TWIST2: variants seen among roughly 807,000 people sequenced by gnomAD.
TWIST2 encodes the protein twist-related protein 2.
Under a neutral mutation model 11.6 loss-of-function variants are expected in TWIST2, and 1 was observed. The observed-to-expected ratio is 0.09, with a 90% CI of 0.03 to 0.41. The LOEUF (loss-of-function observed/expected upper bound fraction) is 0.41, where lower values mean the gene tolerates loss of function less well. Ranked by LOEUF, TWIST2 falls within the 10% of genes least tolerant of loss-of-function variation. The probability of loss-of-function intolerance (pLI) is 0.98; values close to 1 mark genes in which losing one functional copy is unlikely to be tolerated. For missense variants in TWIST2, 168 were observed against 226.4 expected, an observed-to-expected ratio of 0.74 and a Z score of 1.66; for synonymous variants, 87 against 96.6, an observed-to-expected ratio of 0.90 and a Z score of 0.58.
chr2:238,896,449 C>T (rs934193355), intron 1 of TWIST2, among the ~76,000 whole-genome samples: 18 of 152,322 alleles, frequency 1.2e-4, no homozygotes, highest in Non-Finnish European at 1.5e-4. Context: ...GAGCAGTGTC[C>T]TTTCAGAGAT....
At position 238,866,612 on chromosome 2, in the gene TWIST2, G is replaced by A. The variant is rs1267271749; in HGVS notation, c.*35+17879G>A. Among the ~76,000 whole-genome samples, 1 of 152,026 alleles carries A rather than the reference G, an allele frequency of 6.6e-6. No individual in the cohort carries two copies. Among genetic ancestry groups the A allele is most frequent in the Non-Finnish European group, 1.5e-5 (1 of 68,016 alleles). ...GCGGAGGTTGCAGTGAGCTGAGATC[G>A]CGCCACTGTACTCCAGCCTGGGTGA... On this transcript the variant is annotated intron_variant, in intron 1 of 1. Transcript: ENST00000612363. The surrounding 1 kb of genome is among the most constrained non-coding windows in gnomAD (Gnocchi z 4.9).
chr2:238,871,508 CA>C, intron 1 of TWIST2, among the ~76,000 whole-genome samples: 1 of 105,306 alleles, frequency 9.5e-6, no homozygotes, highest in Non-Finnish European at 2.0e-5. Context: ...CACCACACCC[CA>C]CACATACCCC....
At chr2:238,865,101 A>G (rs1054918720) in intron 1 of TWIST2, among the ~76,000 whole-genome samples, 1 of 152,112 alleles carries the variant, frequency 6.6e-6, no homozygotes, top group Admixed American at 6.5e-5. Flanking sequence ...GGCAAGCAAA[A>G]TTATTTTCAT....
chr2:238,849,283 C>T (rs1466344924), intron 1 of TWIST2, among the ~76,000 whole-genome samples: 1 of 152,226 alleles, frequency 6.6e-6, no homozygotes, highest in Non-Finnish European at 1.5e-5. Flanking sequence ...CGGCCGTCGG[C>T]GCCCTGGCCT....
Position 238,896,947 on chromosome 2 carries a change from C to T in TWIST2, c.*36-12895C>T, listed in dbSNP as rs916170890. ...TTCCATTTGGAGAAAAGTAGGCACA[C>T]CCCAGGGGGAGGGAGGCGCCTGAGT... On this transcript the variant is annotated intron_variant, in intron 1 of 1. Transcript: ENST00000612363. 3.3e-5 allele frequency among the ~76,000 whole-genome samples: 5 copies of T among 152,152 alleles called. No homozygotes were observed. In the South Asian group the frequency reaches 6.2e-4, roughly 19 times the overall value.
intron 1 of TWIST2, among the ~76,000 whole-genome samples, chr2:238,891,782 A>G (rs1018155680): frequency 1.4e-4 from 21 of 152,192 alleles, no homozygotes; most frequent in African/African-American, 5.1e-4. Flanking sequence ...AAACCCCGCT[A>G]TTCTCCGTGT....
intron 1 of TWIST2, among the ~76,000 whole-genome samples, chr2:238,890,320 C>T (rs367683035): frequency 3.7e-4 from 56 of 152,356 alleles, no homozygotes; most frequent in East Asian, 2.7e-3. Flanking sequence ...AGTGAGAGCA[C>T]AGCCCGGCCT....
In TWIST2 at chr2:238,870,130, A is replaced by AC. The variant is rs779204254; in HGVS notation, c.*35+21398dup. ...CAGACACACCATACACCCCCCACAC[A>AC]CACACCACACCCCATACACACCACA... On this transcript the variant is annotated intron_variant, in intron 1 of 1. Transcript: ENST00000612363. 8.9e-5 allele frequency among the ~76,000 whole-genome samples: 11 copies of AC among 123,242 alleles called. 1 individual carries two copies. Among genetic ancestry groups the AC allele is most frequent in the Non-Finnish European group, 1.6e-4 (9 of 57,386 alleles). 80.9% of individuals were successfully genotyped at this position (123,242 alleles called of 152,430 possible). A position where few individuals can be genotyped will look rare whatever the true frequency, so the allele number is the denominator to read the frequency against.
intron 1 of TWIST2, among the ~76,000 whole-genome samples, chr2:238,893,581 G>C (rs1388808557): frequency 2.0e-5 from 3 of 152,186 alleles, no homozygotes; most frequent in African/African-American, 7.2e-5. Flanking sequence ...TCTCTGAGCA[G>C]AGTGGCTTCC....
chr2:238,870,144 ATACACAC>A (rs1314489171), intron 1 of TWIST2, among the ~76,000 whole-genome samples: 23 of 136,928 alleles, frequency 1.7e-4, no homozygotes, highest in African/African-American at 6.5e-4. Context: ...ACCACACCCC[ATACACAC>A]CACACCCCAC....
rs544985277 is a variant in TWIST2, at chr2:238,868,808, C to T, written c.*35+20075C>T. Reference sequence around the variant, plus strand: ...ATGGTAGGGCCGGGACACAAGCCCACGGCTCAGCAAGGCTGGAGGGAGCGC... The same window carrying T: ...ATGGTAGGGCCGGGACACAAGCCCATGGCTCAGCAAGGCTGGAGGGAGCGC... On this transcript the variant is annotated intron_variant, in intron 1 of 1. Coordinates refer to ENST00000612363, the MANE Select transcript of TWIST2 (RefSeq NM_001271893.4). 1.3e-3 allele frequency among the ~76,000 whole-genome samples: 195 copies of T among 152,330 alleles called. 1 individual carries two copies. The highest frequency in any genetic ancestry group is 4.4e-3 in the African/African-American group (183 of 41,574).
rs974739040 is a variant in TWIST2, at chr2:238,864,369, C to G, written c.*35+15636C>G. On this transcript the variant is annotated intron_variant, in intron 1 of 1. Transcript: ENST00000612363. This position sits in a 1 kb window ranked among gnomAD's most constrained non-coding sequence, Gnocchi z 4.7. ...GGTTAACTGCCAGGGTTAGTCCCCT[C>G]CGCGGGCCTCCTGCATGAATCAGAG... 1.3e-5 allele frequency among the ~76,000 whole-genome samples: 2 copies of G among 152,244 alleles called. No homozygotes were observed. Among genetic ancestry groups the G allele is most frequent in the Admixed American group, 1.3e-4 (2 of 15,294 alleles).
chr2:238,908,133 C>A (rs1469281908), intron 1 of TWIST2, among the ~76,000 whole-genome samples: 2 of 150,376 alleles, frequency 1.3e-5, no homozygotes, highest in Middle Eastern at 3.2e-3. Context: ...CACATAGATA[C>A]CATACCATAC....
At chr2:238,902,421 A>G (rs1221917258) in intron 1 of TWIST2, among the ~76,000 whole-genome samples, 4 of 148,532 alleles carry the variant, frequency 2.7e-5, no homozygotes, top group Non-Finnish European at 5.9e-5. Flanking sequence ...TGTGTGTGTG[A>G]TGTGATAAGT....
chr2:238,906,684 C>T lies in TWIST2; in HGVS notation c.*36-3158C>T, dbSNP rs945170684. Among the ~76,000 whole-genome samples the T allele has an allele frequency of 6.5e-3, 997 of 152,288 alleles. 7 individuals carry two copies. Among genetic ancestry groups the T allele is most frequent in the African/African-American group, 0.022 (923 of 41,548 alleles). On this transcript the variant is annotated intron_variant, in intron 1 of 1. Transcript: ENST00000612363. ...CACACACACGGGATGTCACCGAGCA[C>T]CACGTCACCCGTCCCTCCAGCTTCC...
chr2:238,887,532 G>A (rs1277419112), intron 1 of TWIST2, among the ~76,000 whole-genome samples: 3 of 152,164 alleles, frequency 2.0e-5, no homozygotes, highest in Admixed American at 6.5e-5. Context: ...TAAAACCCTT[G>A]CTTTGGCACT....
intron 1 of TWIST2, among the ~76,000 whole-genome samples, chr2:238,860,725 G>T (rs935449462): frequency 1.3e-5 from 2 of 152,206 alleles, no homozygotes; most frequent in African/African-American, 4.8e-5. Context: ...ATCACCTGAG[G>T]TCAGGAGTTT....
At chr2:238,880,799 GTATT>G (rs1167559836) in intron 1 of TWIST2, among the ~76,000 whole-genome samples, 2 of 123,894 alleles carry the variant, frequency 1.6e-5, no homozygotes, top group Non-Finnish European at 3.4e-5. Flanking sequence ...GTTAGTGTTA[GTATT>G]TATTAGTATT....
intron 1 of TWIST2, among the ~76,000 whole-genome samples, chr2:238,902,560 T>C (rs981461221): frequency 6.8e-6 from 1 of 146,104 alleles, no homozygotes; most frequent in South Asian, 2.2e-4. Flanking sequence ...GTGTGCGATG[T>C]GGGGTTGTGT....
Sources: gnomAD v4.1 joint callset for allele counts (sites outside exome capture counted in the v4.1 genomes callset) on GRCh38, gnomAD v4.1.1 for gene constraint, Gnocchi (gnomAD v3.1) non-coding constraint, MANE v1.5 for transcripts, NCBI Gene and HGNC (gene_info 2026-07-23, HGNC 2026-07-21) for gene names.